CSMD3: variants seen among roughly 807,000 people sequenced by gnomAD.
CSMD3 encodes CUB and Sushi multiple domains 3.
Under a neutral mutation model 435.2 loss-of-function variants are expected in CSMD3, and 177 were observed. The observed-to-expected ratio is 0.41, with a 90% CI of 0.36 to 0.46. CSMD3 has a LOEUF of 0.46. Ranked by LOEUF, CSMD3 falls within the 20% of genes least tolerant of loss-of-function variation. The pLI, the probability that CSMD3 is intolerant of heterozygous loss-of-function variation, is 0.34. For missense variants in CSMD3, 4,265 were observed against 4,504.6 expected, an observed-to-expected ratio of 0.95 and a Z score of 1.52; for synonymous variants, 1,656 against 1,520.5, an observed-to-expected ratio of 1.09 and a Z score of -2.07.
At chr8:113,252,342 G>C (rs1324794005) in intron 3 of CSMD3, among the ~76,000 whole-genome samples, 1 of 152,058 alleles carries the variant, frequency 6.6e-6, no homozygotes, top group Non-Finnish European at 1.5e-5. Flanking sequence ...ATGATCCACA[G>C]AGGCTTAAAA....
At chr8:112,822,616 T>C (rs1214059768) in intron 12 of CSMD3, among the ~76,000 whole-genome samples, 2 of 152,086 alleles carry the variant, frequency 1.3e-5, no homozygotes, top group South Asian at 2.1e-4. Context: ...TGACTTACTC[T>C]CTTTATTTAT....
chr8:112,646,051 C>G (rs2074970595), intron 19 of CSMD3, among the ~76,000 whole-genome samples: 2 of 152,254 alleles, frequency 1.3e-5, no homozygotes, highest in South Asian at 4.1e-4. Flanking sequence ...GTACCCTTGT[C>G]TAATTTGATC....
At chr8:112,807,448 G>A (rs1472101404) in intron 12 of CSMD3, among the ~76,000 whole-genome samples, 1 of 151,966 alleles carries the variant, frequency 6.6e-6, no homozygotes, top group African/African-American at 2.4e-5. Flanking sequence ...GCTGACACAA[G>A]CAGCACAGTT....
intron 3 of CSMD3, among the ~76,000 whole-genome samples, chr8:113,244,415 A>G (rs1218082864): frequency 2.0e-5 from 3 of 152,126 alleles, no homozygotes; most frequent in African/African-American, 7.2e-5. Flanking sequence ...ACCTGGGTTC[A>G]AGTGATTTTC....
intron 5 of CSMD3, among the ~76,000 whole-genome samples, chr8:113,045,003 ATG>A (rs1477957879): frequency 6.7e-6 from 1 of 149,092 alleles, no homozygotes; most frequent in Non-Finnish European, 1.5e-5. Context: ...TTTCTGTGAA[ATG>A]TGTGTTTCAT....
chr8:113,284,556 T>C (rs2093632985), intron 2 of CSMD3, among the ~76,000 whole-genome samples: 1 of 152,220 alleles, frequency 6.6e-6, no homozygotes, highest in Non-Finnish European at 1.5e-5. Flanking sequence ...GACATATCTT[T>C]CTAGGAACAA....
chr8:112,292,851 G>T, intron 54 of CSMD3, 141 bp from the exon 55 acceptor site: 1 of 743,698 alleles, frequency 1.3e-6, no homozygotes, highest in Non-Finnish European at 2.3e-6. Context: ...TATACGGAAA[G>T]TACATTTACT....
chr8:113,413,137 C>G (rs1396501498), intron 1 of CSMD3, among the ~76,000 whole-genome samples: 1 of 152,066 alleles, frequency 6.6e-6, no homozygotes, highest in African/African-American at 2.4e-5. Context: ...TTTAATGATA[C>G]TACAATAACT....
intron 3 of CSMD3, among the ~76,000 whole-genome samples, chr8:113,270,678 A>T (rs1481545087): frequency 6.6e-6 from 1 of 152,086 alleles, no homozygotes; most frequent in African/African-American, 2.4e-5. Context: ...CTTTGTAGGG[A>T]CATGGATGAA....
chr8:113,409,986 A>T (rs927260204), intron 1 of CSMD3, among the ~76,000 whole-genome samples: 4 of 151,898 alleles, frequency 2.6e-5, no homozygotes. Flanking sequence ...TAAAATAATT[A>T]TGCTTATTTT....
intron 1 of CSMD3, among the ~76,000 whole-genome samples, chr8:113,418,082 A>T (rs1378142759): frequency 1.3e-5 from 2 of 152,102 alleles, no homozygotes; most frequent in Non-Finnish European, 2.9e-5. Context: ...ACTACATAAG[A>T]TTCAACGGAG....
At chr8:112,585,180 A>G (rs573547695) in intron 23 of CSMD3, among the ~76,000 whole-genome samples, 54 of 151,762 alleles carry the variant, frequency 3.6e-4, no homozygotes, top group Middle Eastern at 3.4e-3. Flanking sequence ...ATTGTTTTAA[A>G]GTAATAATTC....
intron 5 of CSMD3, among the ~76,000 whole-genome samples, chr8:113,081,594 T>C (rs2089566116): frequency 6.6e-6 from 1 of 152,090 alleles, no homozygotes; most frequent in Non-Finnish European, 1.5e-5. Context: ...ACGCTGGGTC[T>C]CTCCCGCCTT....
chr8:113,432,809 C>T (rs886866584), intron 1 of CSMD3, among the ~76,000 whole-genome samples: 2 of 152,218 alleles, frequency 1.3e-5, no homozygotes, highest in Non-Finnish European at 2.9e-5. Flanking sequence ...CACTGGCCAT[C>T]TGGAGTCCTG....
chr8:112,380,024 C>A (rs1829325589), intron 38 of CSMD3, among the ~76,000 whole-genome samples: 1 of 152,024 alleles, frequency 6.6e-6, no homozygotes, highest in Non-Finnish European at 1.5e-5. Flanking sequence ...TTCAGTCATG[C>A]AAAATGAGTA....
At chr8:113,201,889 A>G (rs944043541) in intron 3 of CSMD3, among the ~76,000 whole-genome samples, 2 of 152,112 alleles carry the variant, frequency 1.3e-5, no homozygotes, top group Non-Finnish European at 2.9e-5. Flanking sequence ...CCAGTTGAGT[A>G]GGATTGCTTT....
intron 13 of CSMD3, among the ~76,000 whole-genome samples, chr8:112,710,715 C>T (rs1191266110): frequency 6.6e-6 from 1 of 151,350 alleles, no homozygotes; most frequent in Non-Finnish European, 1.5e-5. Flanking sequence ...AGTATTTATA[C>T]TTTATACACA....
chr8:112,362,587 G>A (rs762427214), intron 38 of CSMD3, among the ~76,000 whole-genome samples: 2 of 151,928 alleles, frequency 1.3e-5, no homozygotes, highest in Non-Finnish European at 2.9e-5. Flanking sequence ...TGCGTGCTCT[G>A]TATCATGTTA....
At chr8:113,271,063 G>A (rs184545518) in intron 3 of CSMD3, among the ~76,000 whole-genome samples, 1 of 152,052 alleles carries the variant, frequency 6.6e-6, no homozygotes, top group African/African-American at 2.4e-5. Flanking sequence ...ATATTTTAGG[G>A]TATCTGGTAG....
Sources: allele counts gnomAD v4.1 joint callset (sites outside exome capture counted in the v4.1 genomes callset), GRCh38; gene constraint gnomAD v4.1.1; transcripts MANE v1.5; gene names NCBI Gene and HGNC (gene_info 2026-07-23, HGNC 2026-07-21).